Variants in KLF12 observed in about 807,000 individuals in gnomAD.
KLF12 encodes the protein KLF transcription factor 12, also known as Krueppel-like factor 12.
Under a neutral mutation model 37.8 loss-of-function variants are expected in KLF12, and 9 were observed. The observed-to-expected ratio is 0.24, with a 90% CI of 0.14 to 0.42. The LOEUF is 0.42. Among genes scored for constraint, KLF12 ranks in the 10% least tolerant of loss-of-function variants. The pLI, the probability that KLF12 is intolerant of heterozygous loss-of-function variation, is 1.00. For missense variants in KLF12, 411 were observed against 516.0 expected (o/e 0.80, Z 1.97); for synonymous variants, 208 against 202.1 (o/e 1.03, Z -0.25).
At chr13:73,778,017 C>T (rs968991389) in intron 5 of KLF12, among the ~76,000 whole-genome samples, 21 of 151,968 alleles carry the variant, frequency 1.4e-4, no homozygotes, top group Non-Finnish European at 2.6e-4. Context: ...GCCTGTAATC[C>T]CAGCTACTTG....
At chr13:74,123,848 G>C (rs1418309377) in intron 1 of KLF12, among the ~76,000 whole-genome samples, 2 of 152,282 alleles carry the variant, frequency 1.3e-5, no homozygotes, top group East Asian at 3.9e-4. Flanking sequence ...ACTGGTGTTG[G>C]CAATTAGGGT....
intron 6 of KLF12, among the ~76,000 whole-genome samples, chr13:73,740,334 T>A (rs1389441337): frequency 6.6e-6 from 1 of 152,172 alleles, no homozygotes; most frequent in Non-Finnish European, 1.5e-5. Context: ...GGTACCCTGA[T>A]CTTGGACTTT....
chr13:74,064,052 T>C (rs17220485), intron 1 of KLF12, among the ~76,000 whole-genome samples: 13,204 of 52,892 alleles, frequency 0.25, 764 homozygotes, highest in Non-Finnish European at 0.39. Flanking sequence ...ATGGTTCCTC[T>C]AAAAGGGGTG....
At chr13:74,012,799 C>T (rs1892584427) in intron 1 of KLF12, among the ~76,000 whole-genome samples, 1 of 151,008 alleles carries the variant, frequency 6.6e-6, no homozygotes, top group Non-Finnish European at 1.5e-5. Flanking sequence ...TTACAACTAG[C>T]AGTACTTAAA....
the KLF12 span, among the ~76,000 whole-genome samples, chr13:74,215,062 G>A: frequency 1.3e-5 from 2 of 152,094 alleles, no homozygotes; most frequent in Non-Finnish European, 2.9e-5. Flanking sequence ...CCAAAGTGCT[G>A]GGATTACAGG....
At chr13:74,052,758 G>A (rs984559709) in intron 1 of KLF12, among the ~76,000 whole-genome samples, 1 of 152,148 alleles carries the variant, frequency 6.6e-6, no homozygotes, top group African/African-American at 2.4e-5. Flanking sequence ...CCTTACTGGT[G>A]TCTGTCCTTC....
chr13:74,280,509 C>T, the KLF12 span, among the ~76,000 whole-genome samples: 1 of 152,202 alleles, frequency 6.6e-6, no homozygotes, highest in South Asian at 2.1e-4. Context: ...GATTGTTTCT[C>T]ATGGTGGTGA....
At chr13:74,295,214 A>G in the KLF12 span, among the ~76,000 whole-genome samples, 2 of 152,118 alleles carry the variant, frequency 1.3e-5, no homozygotes, top group Non-Finnish European at 1.5e-5. Flanking sequence ...CGATAGCTTA[A>G]TTACTCCTCC....
chr13:73,712,050 G>C (rs1875437422), intron 7 of KLF12, among the ~76,000 whole-genome samples: 2 of 152,150 alleles, frequency 1.3e-5, no homozygotes, highest in Admixed American at 1.3e-4. Context: ...ATTACAACTA[G>C]AAGTGGAGCC....
At chr13:74,189,463 T>C in the KLF12 span, among the ~76,000 whole-genome samples, 1 of 152,226 alleles carries the variant, frequency 6.6e-6, no homozygotes, top group African/African-American at 2.4e-5. Context: ...TTGGACTTTG[T>C]ATGAGGGACT....
At chr13:74,003,606 G>GA (rs985144849) in intron 1 of KLF12, among the ~76,000 whole-genome samples, 62 of 152,188 alleles carry the variant, frequency 4.1e-4, no homozygotes, top group African/African-American at 1.5e-3. Context: ...AGAATTTTAT[G>GA]AAAAAATGAC....
chr13:73,850,758 A>T lies in KLF12; in HGVS notation c.124-4385T>A, dbSNP rs112693270. ...ACAAGATGGTCCCAGCTATCTATCT[A>T]TCCTTTCAGTCATCGGTCATTTAAA... On this transcript the variant is annotated intron_variant, in intron 3 of 7. Transcript: ENST00000377669. 5.7e-3 allele frequency among the ~76,000 whole-genome samples: 863 copies of T among 152,316 alleles called. 7 individuals carry two copies. Among genetic ancestry groups the T allele is most frequent in the African/African-American group, 0.019 (797 of 41,566 alleles).
chr13:74,055,828 C>T (rs1309317188), intron 1 of KLF12, among the ~76,000 whole-genome samples: 1 of 152,150 alleles, frequency 6.6e-6, no homozygotes. Flanking sequence ...AAGTCTGGGG[C>T]CAGGATAAAC....
the KLF12 span, among the ~76,000 whole-genome samples, chr13:74,154,362 C>T: frequency 6.6e-6 from 1 of 151,574 alleles, no homozygotes; most frequent in Non-Finnish European, 1.5e-5. Context: ...ATTTACATCC[C>T]TAGACAAAAA....
intron 3 of KLF12, among the ~76,000 whole-genome samples, chr13:73,903,581 T>C (rs1362431249): frequency 1.3e-5 from 2 of 152,150 alleles, no homozygotes; most frequent in Admixed American, 6.5e-5. Context: ...TCTCAAAAGG[T>C]AGATCGCCTA....
chr13:74,270,167 CT>C, the KLF12 span, among the ~76,000 whole-genome samples: 275 of 152,098 alleles, frequency 1.8e-3, 1 homozygote, highest in Non-Finnish European at 3.3e-3. Context: ...ATAGGAGTGT[CT>C]TTTTTTTCAT....
At chr13:74,240,988 G>C in the KLF12 span, among the ~76,000 whole-genome samples, 1 of 152,060 alleles carries the variant, frequency 6.6e-6, no homozygotes, top group Non-Finnish European at 1.5e-5. Flanking sequence ...TGCTGGTGAG[G>C]AACTGCGTTC....
intron 1 of KLF12, among the ~76,000 whole-genome samples, chr13:74,034,041 A>G (rs1893181615): frequency 6.6e-6 from 1 of 151,066 alleles, no homozygotes; most frequent in Non-Finnish European, 1.5e-5. Flanking sequence ...CTGGTCATTT[A>G]CGCATTCACT....
intron 5 of KLF12, among the ~76,000 whole-genome samples, chr13:73,789,291 A>T (rs902228852): frequency 6.6e-6 from 1 of 152,184 alleles, no homozygotes; most frequent in African/African-American, 2.4e-5. Flanking sequence ...TGGACTTCAC[A>T]AAAGTCCTGC....
Sources: gnomAD v4.1 joint callset for allele counts (sites outside exome capture counted in the v4.1 genomes callset) on GRCh38, gnomAD v4.1.1 for gene constraint, MANE v1.5 for transcripts, NCBI Gene and HGNC (gene_info 2026-07-23, HGNC 2026-07-21) for gene names.